Variants in FHIP2B observed in about 807,000 individuals in gnomAD.
FHIP2B encodes FHF complex subunit HOOK-interacting protein 2B.
Under a neutral mutation model 84.0 loss-of-function variants are expected in FHIP2B, and 72 were observed. That is an observed-to-expected ratio of 0.86 (90% CI 0.71 to 1.04). The LOEUF is 1.04. FHIP2B is among the 50% of genes least tolerant of loss of function. The pLI, the probability that FHIP2B is intolerant of heterozygous loss-of-function variation, is 0.00. For missense variants in FHIP2B, 972 were observed against 968.9 expected (o/e 1.00, Z -0.04); for synonymous variants, 497 against 418.7 (o/e 1.19, Z -2.28).
At position 22,099,271 on chromosome 8, in the gene FHIP2B, C is replaced by T. The variant is rs779841753; in HGVS notation, c.1075-13C>T. Reference sequence around the variant, plus strand: ...AATGAGGGCAAAACACATTGGCGCTCTCTGGCACCCAGGTGGTTGCGGACG... The same window carrying T: ...AATGAGGGCAAAACACATTGGCGCTTTCTGGCACCCAGGTGGTTGCGGACG... On this transcript the variant is annotated splice_polypyrimidine_tract_variant and intron_variant, in intron 8 of 16. Coordinates refer to ENST00000289921, the MANE Select transcript of FHIP2B (RefSeq NM_022749.7). 1 of 1,613,268 alleles carries T rather than the reference C, an allele frequency of 6.2e-7. No homozygotes were observed. Among genetic ancestry groups the T allele is most frequent in the South Asian group, 1.1e-5 (1 of 90,866 alleles).
chr8:22,102,787 C>T lies in FHIP2B; in HGVS notation c.2094-6C>T. The T allele has an allele frequency of 1.2e-6, 2 of 1,612,792 alleles. No homozygotes were observed. Among genetic ancestry groups the T allele is most frequent in the Admixed American group, 1.7e-5 (1 of 59,978 alleles). The stretch of plus-strand genomic sequence containing the variant: ...CAGCCATGCCCCCTGTGCCATCTCC[C>T]CTCAGGCTGGACCACCAGACCCTCC... On this transcript the variant is annotated splice_polypyrimidine_tract_variant and splice_region_variant and intron_variant, in intron 16 of 16. Transcript: ENST00000289921.
At chr8:22,102,341 T>A (rs1250448249) in intron 15 of FHIP2B, 26 bp downstream of exon 15, 1 of 1,593,644 alleles carries the variant, frequency 6.3e-7, no homozygotes, top group Non-Finnish European at 8.5e-7. Flanking sequence ...CCCAAGGGAG[T>A]GTGCCTAGTG....
In FHIP2B at chr8:22,089,176, G is replaced by A. The variant is rs1249226100; in HGVS notation, c.-78G>A. On this transcript the variant is annotated 5_prime_UTR_variant, in exon 1 of 17. Coordinates refer to ENST00000289921, the MANE Select transcript of FHIP2B (RefSeq NM_022749.7). ...CCCCCCTCGTCGCGCCGGGGCCGCCGGGGCCACGGGGCTGCCTCCTCCGCC... is the reference window on the plus strand; with the variant it reads ...CCCCCCTCGTCGCGCCGGGGCCGCCAGGGCCACGGGGCTGCCTCCTCCGCC... 7.4e-6 allele frequency: 7 copies of A among 943,316 alleles called. No homozygotes were observed. Among genetic ancestry groups the A allele is most frequent in the South Asian group, 4.9e-5 (1 of 20,460 alleles). The allele number at this position is 943,316 out of a possible 1,614,324, so 58.4% of individuals were successfully genotyped here.
Position 22,099,376 on chromosome 8 carries a change from C to T in FHIP2B, c.1151+16C>T, listed in dbSNP as rs1825974902. 6.2e-7 allele frequency: 1 copy of T among 1,612,406 alleles called. No individual in the cohort carries two copies. Among genetic ancestry groups the T allele is most frequent in the Non-Finnish European group, 8.5e-7 (1 of 1,179,202 alleles). ...TCCTGCACGTGTAAGTGTCTAGTTC[C>T]CTCAGGCATGACTGTGGTCTACAGT... On this transcript the variant is annotated intron_variant, in intron 9 of 16. Transcript: ENST00000289921.
At chr8:22,089,895 A>C (rs1489355576) in intron 1 of FHIP2B, 1 of 1,228,456 alleles carries the variant, frequency 8.1e-7, no homozygotes, top group East Asian at 5.9e-5. Context: ...CAGCCGGGGA[A>C]ATCGCCTTCT....
chr8:22,091,777 G>C (rs1825506658), intron 1 of FHIP2B, among the ~76,000 whole-genome samples: 1 of 152,164 alleles, frequency 6.6e-6, no homozygotes. Context: ...GGCTAAAGGA[G>C]ACCCCATCAC....
At chr8:22,093,615 A>G (rs1163215430) in intron 1 of FHIP2B, among the ~76,000 whole-genome samples, 1 of 151,268 alleles carries the variant, frequency 6.6e-6, no homozygotes, top group Non-Finnish European at 1.5e-5. Context: ...ATATCATGCT[A>G]ATGTTACCTA....
At position 22,089,261 on chromosome 8, in the gene FHIP2B, G is replaced by A; in HGVS notation, c.8G>A (p.Ser3Asn). ML[S>N]RLGALLQEAV... is the part of the protein sequence containing the mutation. ...CGGGGGCCGGGCGCCATCATGCTGA[G>A]CCGGCTCGGGGCGCTGCTGCAGGAA... The change falls in exon 1 of 17, where the codon AGC becomes AAC. Residue 3 changes from serine (S) to asparagine (N), a missense_variant. Physicochemically the swap from Ser to Asn is conservative, Grantham distance 46. Coordinates refer to ENST00000289921, the MANE Select transcript of FHIP2B (RefSeq NM_022749.7). 3.8e-6 allele frequency: 4 copies of A among 1,055,366 alleles called. No individual in the cohort carries two copies. Among genetic ancestry groups the A allele is most frequent in the Non-Finnish European group, 3.4e-6 (3 of 876,660 alleles). 65.4% of individuals were successfully genotyped at this position (1,055,366 alleles called of 1,614,324 possible).
At position 22,098,184 on chromosome 8, in the gene FHIP2B, G is replaced by A. The variant is rs754608926; in HGVS notation, c.642G>A (p.Gln214=). 3.8e-6 allele frequency: 6 copies of A among 1,576,328 alleles called. No homozygotes were observed. Among genetic ancestry groups the A allele is most frequent in the Non-Finnish European group, 5.2e-6 (6 of 1,161,616 alleles). ...ACGATGGTGCTCCTGCCAGGCCCCA[G>A]CTGGACGGGGAGTCCTGTGGGGCCC... The part of the protein sequence containing the change: ...CSHDGAPARP[Q]LDGESCGAQA... Residue 214 remains glutamine (Q), a synonymous_variant, in exon 6 of 17, where the codon CAG becomes CAA. Coordinates refer to ENST00000289921, the MANE Select transcript of FHIP2B (RefSeq NM_022749.7).
intron 15 of FHIP2B, 87 bp downstream of exon 15, chr8:22,102,402 G>C: frequency 7.3e-7 from 1 of 1,366,478 alleles, no homozygotes; most frequent in Non-Finnish European, 1.0e-6. Context: ...TTGGGGGCTG[G>C]AGGGGTGGGC....
At chr8:22,097,903 C>T in intron 5 of FHIP2B, 64 bp downstream of exon 5, 1 of 1,587,130 alleles carries the variant, frequency 6.3e-7, no homozygotes, top group Non-Finnish European at 8.6e-7. Flanking sequence ...CCCCCTCTGC[C>T]CTCCTGAGGA....
rs760541433 is a variant in FHIP2B at position 22,097,697 on chromosome 8, C to T, written c.403-20C>T. 2.0e-5 allele frequency: 33 copies of T among 1,611,988 alleles called. No homozygotes were observed. The South Asian group carries it at 3.4e-4, about 17-fold the overall frequency. ...CCTGCCACCCCTCTCCCCTCTGTTT[C>T]TGTCCTGGTGCTCTTCCAGAAACTC... On this transcript the variant is annotated intron_variant, in intron 4 of 16. Coordinates refer to ENST00000289921, the MANE Select transcript of FHIP2B (RefSeq NM_022749.7).
intron 1 of FHIP2B, chr8:22,089,976 G>C: frequency 3.7e-6 from 2 of 545,756 alleles, no homozygotes; most frequent in South Asian, 1.9e-5. Flanking sequence ...CATGCCGCCC[G>C]TGGTGGGGCC....
rs1303177860 is a variant in FHIP2B at position 22,103,379 on chromosome 8, A to G, written c.*448A>G. 6.3e-6 allele frequency: 1 copy of G among 159,194 alleles called. No individual in the cohort carries two copies. The highest frequency in any genetic ancestry group is 1.9e-4 in the East Asian group (1 of 5,398). The allele number at this position is 159,194 out of a possible 1,614,324, so 9.9% of individuals were successfully genotyped here. The stretch of plus-strand genomic sequence containing the variant: ...CCTTGTCTGTGTCACATTAGGTACC[A>G]TGGGAGCTGCTGAGACCTGACATTT... On this transcript the variant is annotated 3_prime_UTR_variant, in exon 17 of 17. Coordinates refer to ENST00000289921, the MANE Select transcript of FHIP2B (RefSeq NM_022749.7).
intron 2 of FHIP2B, 129 bp downstream of exon 2, chr8:22,094,647 A>C: frequency 1.4e-5 from 21 of 1,522,446 alleles, no homozygotes; most frequent in Non-Finnish European, 1.7e-5. Flanking sequence ...AGCCGAGTTC[A>C]CGGAGACAGA....
chr8:22,095,966 CAA>C (rs1157554006), intron 2 of FHIP2B: 3 of 168,032 alleles, frequency 1.8e-5, no homozygotes, highest in African/African-American at 7.1e-5. Flanking sequence ...AGTTATGTGA[CAA>C]GAGCCCTGAG....
rs560663841 is a variant in FHIP2B, at chr8:22,089,408, C to T, written c.45+110C>T. ...AGGAGGGCGGGCGGGCGCGGGCCCC[C>T]TCGGGCAGGGACCCCCGGGCCGCGG... On this transcript the variant is annotated intron_variant, in intron 1 of 16. Coordinates refer to ENST00000289921, the MANE Select transcript of FHIP2B (RefSeq NM_022749.7). 4.2e-3 allele frequency: 2,418 copies of T among 580,350 alleles called. 61 individuals carry two copies. The African/African-American group carries it at 0.047, about 11-fold the overall frequency. 36.0% of individuals were successfully genotyped at this position (580,350 alleles called of 1,614,324 possible).
chr8:22,094,436 G>C lies in FHIP2B; in HGVS notation c.46-4G>C, dbSNP rs371565241. Reference sequence around the variant, plus strand: ...CACTGAGGTTGTGTGTCTGCCCTCCGCAGCGCGAGCCCAGCATTGACCTGC... The same window carrying C: ...CACTGAGGTTGTGTGTCTGCCCTCCCCAGCGCGAGCCCAGCATTGACCTGC... On this transcript the variant is annotated splice_polypyrimidine_tract_variant and splice_region_variant and intron_variant, in intron 1 of 16. Transcript: ENST00000289921. 4.5e-4 allele frequency: 723 copies of C among 1,600,780 alleles called. 13 individuals are homozygous for C. In the South Asian group the frequency reaches 7.5e-3, roughly 17 times the overall value.
At position 22,099,819 on chromosome 8, in the gene FHIP2B, C is replaced by T. The variant is rs1250968101; in HGVS notation, c.1267C>T (p.Pro423Ser). ...VAFLLGTDRQ[P>S]EAPGDNPHTL... Reference sequence around the variant, plus strand: ...TTTCCTCCTGGGCACAGACCGGCAGCCTGAAGCCCCCGGGGACAACCCCCA... The same window carrying T: ...TTTCCTCCTGGGCACAGACCGGCAGTCTGAAGCCCCCGGGGACAACCCCCA... Residue 423 changes from proline to serine, a missense_variant, in exon 10 of 17, where the codon CCT becomes TCT. By Grantham distance (74) the Pro-to-Ser change is moderately conservative. Coordinates refer to ENST00000289921, the MANE Select transcript of FHIP2B (RefSeq NM_022749.7). 4 of 1,612,948 alleles carry T rather than the reference C, an allele frequency of 2.5e-6. No homozygotes were observed. Among genetic ancestry groups the T allele is most frequent in the Non-Finnish European group, 2.5e-6 (3 of 1,179,688 alleles).
Sources: gnomAD v4.1 joint callset for allele counts (sites outside exome capture counted in the v4.1 genomes callset) on GRCh38, gnomAD v4.1.1 for gene constraint, MANE v1.5 for transcripts, NCBI Gene and HGNC (gene_info 2026-07-23, HGNC 2026-07-21) for gene names.